The following CSMD1 variants were observed in gnomAD, a reference collection of about 807,000 sequenced individuals.
The protein encoded by CSMD1 is CUB and sushi domain-containing protein 1.
A neutral mutation model predicts 417.5 loss-of-function variants in CSMD1; 213 were observed. That is an observed-to-expected ratio of 0.51 (90% CI 0.46 to 0.57). The LOEUF is 0.57. Among genes scored for constraint, CSMD1 ranks in the 20% least tolerant of loss-of-function variants. The probability of loss-of-function intolerance (pLI) is 0.00; values close to 1 mark genes in which losing one functional copy is unlikely to be tolerated. For synonymous variants in CSMD1, 2,862 were observed against 1,736.8 expected, an observed-to-expected ratio of 1.65 and a Z score of -16.11; for missense variants, 6,923 against 4,529.7, an observed-to-expected ratio of 1.53 and a Z score of -15.17.
At chr8:4,066,588 G>A (rs966717724) in intron 3 of CSMD1, among the ~76,000 whole-genome samples, 3 of 152,120 alleles carry the variant, frequency 2.0e-5, no homozygotes, top group African/African-American at 7.2e-5. Flanking sequence ...TGTAGTTCAC[G>A]TGATTATACC....
chr8:4,598,767 A>T (rs1800416764), intron 2 of CSMD1, among the ~76,000 whole-genome samples: 1 of 152,202 alleles, frequency 6.6e-6, no homozygotes, highest in Admixed American at 6.5e-5. Flanking sequence ...AGCTCTAAGT[A>T]GGTGGAAAAT....
Position 4,301,467 on chromosome 8 carries a change from C to G in CSMD1, c.415+118486G>C, listed in dbSNP as rs531160385. Among the ~76,000 whole-genome samples, 81 of 152,266 alleles carry G rather than the reference C, an allele frequency of 5.3e-4. 2 individuals carry two copies. The highest frequency in any genetic ancestry group is 9.2e-4 in the Admixed American group (14 of 15,286). On this transcript the variant is annotated intron_variant, in intron 3 of 69. Transcript: ENST00000635120. ...ACAACTCTTCAGAGACCAGAGTGGT[C>G]CAGGATCTTGATGCCACTTGCATAA... is the stretch of plus-strand genomic sequence containing the variant.
chr8:4,852,493 G>C (rs904331564), intron 1 of CSMD1, among the ~76,000 whole-genome samples: 1 of 152,058 alleles, frequency 6.6e-6, no homozygotes, highest in Admixed American at 6.5e-5. Context: ...CTCATCTACA[G>C]GTCAGCCAAT....
chr8:3,671,693 G>A (rs1205981233), intron 7 of CSMD1, among the ~76,000 whole-genome samples: 2 of 151,096 alleles, frequency 1.3e-5, no homozygotes, highest in African/African-American at 2.4e-5. Flanking sequence ...CTCCTTGGGA[G>A]CCTCTTCATC....
At chr8:4,776,105 C>G (rs1398743198) in intron 1 of CSMD1, among the ~76,000 whole-genome samples, 3 of 152,022 alleles carry the variant, frequency 2.0e-5, no homozygotes, top group Non-Finnish European at 2.9e-5. Flanking sequence ...GGCACCGGCC[C>G]AGATTGCCAG....
intron 5 of CSMD1, among the ~76,000 whole-genome samples, chr8:3,909,882 C>T (rs1056736089): frequency 1.3e-5 from 2 of 152,080 alleles, no homozygotes; most frequent in South Asian, 2.1e-4. Flanking sequence ...GGTACAAAAT[C>T]GTTAAAAGAC....
chr8:4,975,953 T>G (rs887177668), intron 1 of CSMD1, among the ~76,000 whole-genome samples: 2 of 152,232 alleles, frequency 1.3e-5, no homozygotes, highest in South Asian at 4.1e-4. Flanking sequence ...TTATTTACTA[T>G]GAGAAAATCT....
intron 5 of CSMD1, among the ~76,000 whole-genome samples, chr8:3,952,795 T>C (rs1282212779): frequency 6.6e-6 from 1 of 152,210 alleles, no homozygotes; most frequent in Non-Finnish European, 1.5e-5. Flanking sequence ...ACTTGATTAT[T>C]AAGCAATACT....
intron 1 of CSMD1, among the ~76,000 whole-genome samples, chr8:4,755,807 C>T (rs780318775): frequency 5.9e-5 from 9 of 152,098 alleles, no homozygotes; most frequent in African/African-American, 1.2e-4. Context: ...CCATTCTTAA[C>T]GACACTATCT....
chr8:3,256,328 G>GAAGAC (rs535982625), intron 26 of CSMD1, among the ~76,000 whole-genome samples: 12,555 of 125,168 alleles, frequency 0.1, 800 homozygotes, highest in Non-Finnish European at 0.15. Flanking sequence ...AAAAAAAAGA[G>GAAGAC]AAGAAAGGAA....
Position 2,997,867 on chromosome 8 carries a change from A to C in CSMD1, c.8377+144T>G, listed in dbSNP as rs566342666. Reference sequence around the variant, plus strand: ...TGGAGAGCTTTGTGCTTACTCTCAGAAATGCTTTCACACCTGAATGGTGAG... The same window carrying C: ...TGGAGAGCTTTGTGCTTACTCTCAGCAATGCTTTCACACCTGAATGGTGAG... On this transcript the variant is annotated intron_variant, in intron 54 of 69. Coordinates refer to ENST00000635120, the MANE Select transcript of CSMD1 (RefSeq NM_033225.6). The C allele has an allele frequency of 6.8e-5, 50 of 734,498 alleles. No individual in the cohort carries two copies. In the African/African-American group the frequency reaches 7.4e-4, roughly 11 times the overall value. The allele number at this position is 734,498 out of a possible 1,614,324, so 45.5% of individuals were successfully genotyped here.
At chr8:3,515,229 T>C (rs1797237179) in intron 10 of CSMD1, 1 of 152,232 alleles carries the variant, frequency 6.6e-6, no homozygotes, top group African/African-American at 2.4e-5. Context: ...ACATTTGACA[T>C]CCTATTTGTC....
At chr8:4,090,399 T>C (rs899540775) in intron 3 of CSMD1, among the ~76,000 whole-genome samples, 2 of 152,238 alleles carry the variant, frequency 1.3e-5, no homozygotes, top group African/African-American at 4.8e-5. Context: ...CTTACTCCTT[T>C]TTAATTAACA....
At chr8:4,852,037 C>G (rs2116835057) in intron 1 of CSMD1, among the ~76,000 whole-genome samples, 1 of 152,312 alleles carries the variant, frequency 6.6e-6, no homozygotes, top group Non-Finnish European at 1.5e-5. Flanking sequence ...TGTAATACCT[C>G]CTCAGCAGGG....
chr8:3,151,353 A>G (rs1263012664), intron 40 of CSMD1, 44 bp downstream of exon 40: 2 of 1,241,528 alleles, frequency 1.6e-6, no homozygotes, highest in Admixed American at 1.9e-5. Context: ...CAAGATGGAA[A>G]TGAAAAAAAT....
intron 3 of CSMD1, among the ~76,000 whole-genome samples, chr8:4,146,934 G>C (rs1006663800): frequency 4.9e-5 from 7 of 144,232 alleles, no homozygotes; most frequent in African/African-American, 2.0e-4. Flanking sequence ...CTTTAAGGAA[G>C]TCAACTCACC....
intron 5 of CSMD1, among the ~76,000 whole-genome samples, chr8:3,913,349 C>T (rs1489416178): frequency 6.6e-6 from 1 of 152,026 alleles, no homozygotes; most frequent in Non-Finnish European, 1.5e-5. Flanking sequence ...AATCCGATAT[C>T]AGAACAGAGG....
intron 7 of CSMD1, among the ~76,000 whole-genome samples, chr8:3,670,998 A>G (rs567469248): frequency 9.2e-6 from 1 of 108,986 alleles, no homozygotes; most frequent in Non-Finnish European, 1.9e-5. Flanking sequence ...TGGGATATAT[A>G]TGTATGGGAT....
chr8:4,324,458 C>T (rs922438600), intron 3 of CSMD1, among the ~76,000 whole-genome samples: 1 of 152,204 alleles, frequency 6.6e-6, no homozygotes, highest in Non-Finnish European at 1.5e-5. Flanking sequence ...ACACAGCAAA[C>T]CAAGCTTCTT....
Sources: gnomAD v4.1 joint callset for allele counts (sites outside exome capture counted in the v4.1 genomes callset) on GRCh38, gnomAD v4.1.1 for gene constraint, MANE v1.5 for transcripts, NCBI Gene and HGNC (gene_info 2026-07-23, HGNC 2026-07-21) for gene names.